TET3: variants seen among roughly 807,000 people sequenced by gnomAD.
TET3 encodes the protein methylcytosine dioxygenase TET3.
Under a neutral mutation model 141.4 loss-of-function variants are expected in TET3, and 19 were observed. The ratio of observed to expected loss-of-function variants is 0.13; its 90% confidence interval spans 0.09 to 0.20. The LOEUF is 0.20. TET3 is among the 10% of genes least tolerant of loss of function. TET3 has a pLI of 1.00. For missense variants in TET3, 1,874 were observed against 2,356.9 expected, an observed-to-expected ratio of 0.80 and a Z score of 4.24; for synonymous variants, 1,043 against 980.9, an observed-to-expected ratio of 1.06 and a Z score of -1.18.
chr2:74,041,373 C>G (rs937894678), intron 3 of TET3, among the ~76,000 whole-genome samples: 1 of 152,112 alleles, frequency 6.6e-6, no homozygotes, highest in South Asian at 2.1e-4. Flanking sequence ...AACCCTCATG[C>G]TCGCCTTCCT....
chr2:74,088,218 T>C (rs1159622877), intron 7 of TET3, among the ~76,000 whole-genome samples, 180 bp downstream of exon 7: 1 of 152,196 alleles, frequency 6.6e-6, no homozygotes, highest in Non-Finnish European at 1.5e-5. Flanking sequence ...TGAGCTGGGT[T>C]CTAGCTCTGG....
At chr2:74,051,735 G>C (rs920025827) in intron 4 of TET3, among the ~76,000 whole-genome samples, 1 of 152,124 alleles carries the variant, frequency 6.6e-6, no homozygotes, top group South Asian at 2.1e-4. Context: ...ACTGTCAGTG[G>C]CTCCATTTTA....
At chr2:74,051,707 C>A (rs941884156) in intron 4 of TET3, among the ~76,000 whole-genome samples, 1 of 152,176 alleles carries the variant, frequency 6.6e-6, no homozygotes, top group Admixed American at 6.5e-5. Flanking sequence ...ATCCTCATAG[C>A]AGCTCTATGA....
intron 4 of TET3, among the ~76,000 whole-genome samples, chr2:74,053,780 A>G (rs1398609401): frequency 6.6e-6 from 1 of 152,216 alleles, no homozygotes; most frequent in Non-Finnish European, 1.5e-5. Flanking sequence ...ATTTGTTTAC[A>G]GTCGTGTAAA....
chr2:74,082,944 T>G (rs960422738), intron 6 of TET3, among the ~76,000 whole-genome samples: 1 of 152,218 alleles, frequency 6.6e-6, no homozygotes, highest in African/African-American at 2.4e-5. Flanking sequence ...GTCCCCACCC[T>G]GCCTGGTACA....
intron 3 of TET3, among the ~76,000 whole-genome samples, chr2:74,016,131 G>A (rs71406850): frequency 0.16 from 23,862 of 151,960 alleles, 2,216 homozygotes; most frequent in Non-Finnish European, 0.22. Context: ...GCTTTGGCAG[G>A]CCAAGGCAGG....
intron 2 of TET3, among the ~76,000 whole-genome samples, chr2:73,991,845 G>T (rs1185510002): frequency 6.8e-6 from 1 of 147,148 alleles, no homozygotes; most frequent in Non-Finnish European, 1.5e-5. Context: ...AACGCTGATA[G>T]AACAGTCATG....
At chr2:74,023,472 G>C (rs564104923) in intron 3 of TET3, among the ~76,000 whole-genome samples, 62 of 151,612 alleles carry the variant, frequency 4.1e-4, no homozygotes, top group African/African-American at 1.5e-3. Context: ...TAAACTCCTG[G>C]ACTCAAGTGA....
chr2:74,061,805 C>G (rs1192177313), intron 4 of TET3, among the ~76,000 whole-genome samples: 1 of 132,440 alleles, frequency 7.6e-6, no homozygotes, highest in Admixed American at 7.2e-5. Flanking sequence ...AGAGGCGCTC[C>G]TCACATCTCA....
the TET3 span, among the ~76,000 whole-genome samples, chr2:74,119,600 A>G: frequency 6.6e-6 from 1 of 152,202 alleles, no homozygotes; most frequent in South Asian, 2.1e-4. Flanking sequence ...AAATGTCTCC[A>G]TTGCCTGAAA....
intron 4 of TET3, among the ~76,000 whole-genome samples, chr2:74,071,754 C>T (rs978323773): frequency 2.0e-5 from 3 of 152,196 alleles, no homozygotes; most frequent in African/African-American, 7.2e-5. Context: ...AACTGTAGTA[C>T]AGTAGGTACA....
Position 74,101,424 on chromosome 2 carries a change from C to G in TET3, c.4636C>G (p.Leu1546Val), listed in dbSNP as rs761136702. ...ALGAGDFNSA[L>V]KGSPGFQDKL... ...GGGGGCAGGGGATTTCAACTCGGCC[C>G]TGAAAGGTAGTCCTGGGTTCCAAGA... Residue 1546 changes from leucine (L) to valine (V), a missense_variant, in exon 12 of 12, where the codon CTG becomes GTG. By Grantham distance (32) the Leu-to-Val change is conservative. Around this residue, in one of 10 missense-constraint regions of TET3, gnomAD observed 602 missense variants for 590.2 expected, o/e 1.02. Transcript: ENST00000409262. The surrounding 1 kb of genome is among the most constrained non-coding windows in gnomAD (Gnocchi z 8.5). 3.7e-6 allele frequency: 6 copies of G among 1,613,898 alleles called. No homozygotes were observed. The highest frequency in any genetic ancestry group is 4.2e-6 in the Non-Finnish European group (5 of 1,179,872).
Position 74,072,812 on chromosome 2 carries a change from C to T in TET3, c.2495-737C>T, listed in dbSNP as rs185074447. Among the ~76,000 whole-genome samples, 15 of 152,310 alleles carry T rather than the reference C, an allele frequency of 9.8e-5. No individual in the cohort carries two copies. The East Asian group carries it at 2.1e-3, about 21-fold the overall frequency. On this transcript the variant is annotated intron_variant, in intron 4 of 11. Coordinates refer to ENST00000409262, the MANE Select transcript of TET3 (RefSeq NM_001287491.2). ...ACTTTCTGTCTCTAGGAATCTGCCT[C>T]TTCTAGATAATTCATATCAGGGAAA...
At chr2:74,059,554 CTATT>C (rs1226586205) in intron 4 of TET3, among the ~76,000 whole-genome samples, 2 of 152,150 alleles carry the variant, frequency 1.3e-5, no homozygotes, top group Admixed American at 6.5e-5. Flanking sequence ...CATGCCTGAC[CTATT>C]TATTTATTTT....
chr2:74,132,714 G>A, the TET3 span, among the ~76,000 whole-genome samples: 1 of 152,034 alleles, frequency 6.6e-6, no homozygotes, highest in Non-Finnish European at 1.5e-5. Context: ...TATAAATTAA[G>A]AGGTACTGGC....
chr2:74,019,867 G>A (rs1482984911), intron 3 of TET3, among the ~76,000 whole-genome samples: 4 of 152,190 alleles, frequency 2.6e-5, no homozygotes, highest in Non-Finnish European at 4.4e-5. Context: ...GAGACCCACA[G>A]CCCCCTTGTT....
the TET3 span, chr2:74,120,855 C>T: frequency 6.6e-6 from 1 of 152,208 alleles, no homozygotes; most frequent in East Asian, 1.9e-4. Context: ...GTAAAACTCT[C>T]CTTCCCTCCC....
rs1332272984 is a variant in TET3 at position 74,107,489 on chromosome 2, CAT to C, written c.*5314_*5315del. 3.3e-5 allele frequency: 5 copies of C among 152,156 alleles called. No homozygotes were observed. Among genetic ancestry groups the C allele is most frequent in the Admixed American group, 1.3e-4 (2 of 15,280 alleles). 9.4% of individuals were successfully genotyped at this position (152,156 alleles called of 1,614,324 possible). A position where few individuals can be genotyped will look rare whatever the true frequency, so the allele number is the denominator to read the frequency against. On this transcript the variant is annotated 3_prime_UTR_variant, in exon 12 of 12. Transcript: ENST00000409262. ...ATTTAAATTAAGAAACTAATTGGCT[CAT>C]GTGAACATTCCAAATTTTCTTGGTT...
the TET3 span, among the ~76,000 whole-genome samples, chr2:74,114,303 G>T: frequency 2.6e-5 from 1 of 38,382 alleles, no homozygotes; most frequent in Non-Finnish European, 4.6e-5. Context: ...TGGGGACTCG[G>T]GGGGGAGGGC....
Sources: gnomAD v4.1 joint callset for allele counts (sites outside exome capture counted in the v4.1 genomes callset) on GRCh38, gnomAD v4.1.1 for gene constraint, gnomAD v4.1.1 regional missense constraint, Gnocchi (gnomAD v3.1) non-coding constraint, MANE v1.5 for transcripts, NCBI Gene and HGNC (gene_info 2026-07-23, HGNC 2026-07-21) for gene names.